EFTUD2: variants seen among roughly 807,000 people sequenced by gnomAD.
EFTUD2 encodes the protein elongation factor Tu GTP binding domain containing 2.
In EFTUD2, 9 loss-of-function variants were observed where a neutral mutation model predicts 114.3. That is an observed-to-expected ratio of 0.08 (90% CI 0.05 to 0.14). EFTUD2 has a LOEUF of 0.14. EFTUD2 is among the 10% of genes least tolerant of loss of function. The probability of loss-of-function intolerance (pLI) is 1.00; values close to 1 mark genes in which losing one functional copy is unlikely to be tolerated. For missense variants in EFTUD2, 765 were observed against 1,241.2 expected (o/e 0.62, Z 5.76); for synonymous variants, 449 against 462.3 (o/e 0.97, Z 0.37).
Position 44,851,227 on chromosome 17 carries a change from AG to A in EFTUD2, c.*46del, listed in dbSNP as rs748693215. ...ATGAGGTCTCAGCTTCAAGTACAGG[AG>A]TTGCAGCCCACTGTAGGGAGCAGGA... On this transcript the variant is annotated 3_prime_UTR_variant, in exon 28 of 28. Transcript: ENST00000426333. 5 of 1,461,456 alleles carry A rather than the reference AG, an allele frequency of 3.4e-6. No homozygotes were observed. In the South Asian group the frequency reaches 5.7e-5, roughly 17 times the overall value. The allele number at this position is 1,461,456 out of a possible 1,614,324, so 90.5% of individuals were successfully genotyped here. A position where few individuals can be genotyped will look rare whatever the true frequency, so the allele number is the denominator to read the frequency against.
chr17:44,852,671 CAAAG>C, intron 25 of EFTUD2, 109 bp from the exon 26 acceptor site: 2 of 1,326,194 alleles, frequency 1.5e-6, no homozygotes, highest in South Asian at 1.4e-5. Context: ...GAGTTACCAT[CAAAG>C]AAAGAGTAAC....
intron 16 of EFTUD2, 81 bp from the exon 17 acceptor site, chr17:44,860,624 G>A: frequency 2.4e-6 from 2 of 819,932 alleles, no homozygotes; most frequent in East Asian, 2.7e-5. Flanking sequence ...TTTTGAGACA[G>A]GATCTCACTT....
intron 16 of EFTUD2, among the ~76,000 whole-genome samples, chr17:44,861,474 C>T (rs1222121961): frequency 6.7e-6 from 1 of 149,520 alleles, no homozygotes; most frequent in Non-Finnish European, 1.5e-5. Context: ...TGGCTCACAC[C>T]TATAATCCCA....
intron 2 of EFTUD2, among the ~76,000 whole-genome samples, chr17:44,890,125 AGCC>A (rs2051252362): frequency 6.6e-6 from 1 of 152,002 alleles, no homozygotes; most frequent in Non-Finnish European, 1.5e-5. Context: ...CTCCTGCCTT[AGCC>A]TCTGGGCATG....
chr17:44,868,159 A>G, intron 12 of EFTUD2, 128 bp downstream of exon 12: 1 of 920,294 alleles, frequency 1.1e-6, no homozygotes. Context: ...GGGAGGAAAG[A>G]CGGTAGTTTA....
Position 44,853,178 on chromosome 17 carries a change from G to A in EFTUD2, c.2561+118C>T, listed in dbSNP as rs1195222053. ...ACTTCTTTCTGGAAAATCAGCTCTC[G>A]GGGTTTCCAGAGAGAGGAGGGTAGA... On this transcript the variant is annotated intron_variant, in intron 25 of 27. Coordinates refer to ENST00000426333, the MANE Select transcript of EFTUD2 (RefSeq NM_004247.4). 4.2e-5 allele frequency: 43 copies of A among 1,031,958 alleles called. 1 individual carries two copies. The highest frequency in any genetic ancestry group is 3.1e-4 in the South Asian group (19 of 61,586). 63.9% of individuals were successfully genotyped at this position (1,031,958 alleles called of 1,614,324 possible). A position where few individuals can be genotyped will look rare whatever the true frequency, so the allele number is the denominator to read the frequency against.
At chr17:44,863,608 G>A in intron 15 of EFTUD2, 47 bp downstream of exon 15, 1 of 1,593,988 alleles carries the variant, frequency 6.3e-7, no homozygotes, top group Non-Finnish European at 8.6e-7. Flanking sequence ...TCCCCACACA[G>A]GAAGGGGAAA....
chr17:44,881,743 G>T (rs552472961), intron 6 of EFTUD2, 21 bp from the exon 7 acceptor site: 4 of 1,613,628 alleles, frequency 2.5e-6, no homozygotes, highest in African/African-American at 1.3e-5. Context: ...ATTAACTGTT[G>T]TTACCACCTG....
In EFTUD2 at chr17:44,854,826, T is replaced by G; in HGVS notation, c.2132+92A>C. The G allele has an allele frequency of 6.4e-7, 1 of 1,562,366 alleles. No individual in the cohort carries two copies. Among genetic ancestry groups the G allele is most frequent in the Non-Finnish European group, 8.8e-7 (1 of 1,135,142 alleles). On this transcript the variant is annotated intron_variant, in intron 21 of 27. Coordinates refer to ENST00000426333, the MANE Select transcript of EFTUD2 (RefSeq NM_004247.4). The surrounding 1 kb of genome is among the most constrained non-coding windows in gnomAD (Gnocchi z 4.3). ...AGAGCAAAGGCAAAGACATAAATGC[T>G]CCCCAGAAAGATGTGTGCTCTTAGA...
chr17:44,850,851 T>C lies in EFTUD2; in HGVS notation c.*423A>G. 4.2e-6 allele frequency: 1 copy of C among 235,790 alleles called. No homozygotes were observed. Among genetic ancestry groups the C allele is most frequent in the South Asian group, 7.6e-5 (1 of 13,094 alleles). The allele number at this position is 235,790 out of a possible 1,614,324, so 14.6% of individuals were successfully genotyped here. A position where few individuals can be genotyped will look rare whatever the true frequency, so the allele number is the denominator to read the frequency against. On this transcript the variant is annotated 3_prime_UTR_variant, in exon 28 of 28. Coordinates refer to ENST00000426333, the MANE Select transcript of EFTUD2 (RefSeq NM_004247.4). ...AAGCCTCTTGGGAGATGACATATAT[T>C]CAGAATGTAAGCACCAGACGGGGCA... is the stretch of plus-strand genomic sequence containing the variant.
chr17:44,882,376 T>C (rs537645501), intron 6 of EFTUD2, among the ~76,000 whole-genome samples: 1 of 152,120 alleles, frequency 6.6e-6, no homozygotes, highest in South Asian at 2.1e-4. Flanking sequence ...CTCAGCCCCT[T>C]GAGTAGCTGG....
At chr17:44,871,181 C>T (rs1240893375) in intron 11 of EFTUD2, among the ~76,000 whole-genome samples, 2 of 151,696 alleles carry the variant, frequency 1.3e-5, no homozygotes, top group South Asian at 2.1e-4. Context: ...TGCCATCATG[C>T]CCACCTAATT....
intron 26 of EFTUD2, among the ~76,000 whole-genome samples, 170 bp from the exon 27 acceptor site, chr17:44,851,987 G>A (rs573566307): frequency 3.3e-5 from 5 of 152,076 alleles, no homozygotes; most frequent in East Asian, 1.9e-4. Context: ...GCATGATCTC[G>A]GCTCAATGCA....
intron 13 of EFTUD2, among the ~76,000 whole-genome samples, chr17:44,866,411 A>ATTTCT (rs2050746876): frequency 6.6e-6 from 1 of 151,314 alleles, no homozygotes; most frequent in Non-Finnish European, 1.5e-5. Context: ...GTCCCAGTTG[A>ATTTCT]TTTATTTTAT....
At position 44,876,065 on chromosome 17, in the gene EFTUD2, C is replaced by A; in HGVS notation, c.738G>T (p.Ala246=). The change falls in exon 10 of 28, where the codon GCG becomes GCT. Residue 246 remains alanine (A), a synonymous_variant. Transcript: ENST00000426333. ...CAGTGACTGCCAGCCTCTCCTGCAC[C>A]GCATGCTTGATCAGCCGCTCTGTGT... ...MLNTERLIKH[A]VQERLAVTVC... is the part of the protein sequence containing the mutation. The A allele has an allele frequency of 6.2e-7, 1 of 1,613,868 alleles. No individual in the cohort carries two copies. The highest frequency in any genetic ancestry group is 1.7e-5 in the Admixed American group (1 of 60,010).
intron 13 of EFTUD2, among the ~76,000 whole-genome samples, chr17:44,865,456 C>A (rs191854405): frequency 6.6e-6 from 1 of 152,170 alleles, no homozygotes; most frequent in African/African-American, 2.4e-5. Context: ...AAAAAGGTCA[C>A]CTTGCTGTGG....
At chr17:44,878,729 G>A (rs150275657) in intron 9 of EFTUD2, among the ~76,000 whole-genome samples, 247 of 152,214 alleles carry the variant, frequency 1.6e-3, no homozygotes, top group African/African-American at 5.9e-3. Context: ...AGTAAATGAG[G>A]GTGGGTTCTT....
At chr17:44,855,771 A>G (rs1420229271) in intron 20 of EFTUD2, among the ~76,000 whole-genome samples, 2 of 151,962 alleles carry the variant, frequency 1.3e-5, no homozygotes, top group East Asian at 1.9e-4. Flanking sequence ...CAACACAGTG[A>G]AACCCCATCT....
At chr17:44,879,712 G>T in intron 8 of EFTUD2, 74 bp from the exon 9 acceptor site, 2 of 1,479,118 alleles carry the variant, frequency 1.4e-6, no homozygotes, top group Non-Finnish European at 1.9e-6. Context: ...GTGAACTGAG[G>T]GGGCACTTCA....
Sources: allele counts gnomAD v4.1 joint callset (sites outside exome capture counted in the v4.1 genomes callset), GRCh38; gene constraint gnomAD v4.1.1; non-coding constraint Gnocchi (gnomAD v3.1); transcripts MANE v1.5; gene names NCBI Gene and HGNC (gene_info 2026-07-23, HGNC 2026-07-21).